The following SHISA9 variants were observed in gnomAD, a reference collection of about 807,000 sequenced individuals.
SHISA9 encodes protein shisa-9.
Under a neutral mutation model 38.0 loss-of-function variants are expected in SHISA9, and 13 were observed. The observed-to-expected ratio is 0.34, with a 90% CI of 0.22 to 0.54. The LOEUF (loss-of-function observed/expected upper bound fraction) is 0.54. Ranked by LOEUF, SHISA9 falls within the 20% of genes least tolerant of loss-of-function variation. The pLI is 0.91. For synonymous variants in SHISA9, 275 were observed against 242.0 expected (o/e 1.14, Z -1.27); for missense variants, 538 against 575.8 (o/e 0.93, Z 0.67).
At chr16:13,198,363 T>C (rs1021314999) in intron 2 of SHISA9, among the ~76,000 whole-genome samples, 2 of 151,692 alleles carry the variant, frequency 1.3e-5, no homozygotes, top group Non-Finnish European at 2.9e-5. Context: ...TATACTTGTA[T>C]GTGTATGTAC....
the SHISA9 span, among the ~76,000 whole-genome samples, chr16:13,256,339 TGG>T: frequency 2.6e-5 from 4 of 152,230 alleles, no homozygotes; most frequent in African/African-American, 9.6e-5. Flanking sequence ...TGGAGTGCAA[TGG>T]TGCCACCTCG....
the SHISA9 span, among the ~76,000 whole-genome samples, chr16:13,474,575 A>C: frequency 2.6e-5 from 4 of 152,186 alleles, no homozygotes; most frequent in Non-Finnish European, 4.4e-5. Context: ...GGTACTTTCT[A>C]TCCATGGAGT....
At chr16:13,136,506 C>A (rs984574901) in intron 2 of SHISA9, among the ~76,000 whole-genome samples, 4 of 139,138 alleles carry the variant, frequency 2.9e-5, no homozygotes, top group Non-Finnish European at 6.0e-5. Flanking sequence ...TCAAGTGATT[C>A]TCCTGCCTCA....
intron 3 of SHISA9, among the ~76,000 whole-genome samples, chr16:13,211,112 C>T (rs1306436980): frequency 2.0e-5 from 3 of 152,184 alleles, no homozygotes; most frequent in East Asian, 1.9e-4. Context: ...GCCTGGCCAA[C>T]GTGGTGAAAC....
intron 2 of SHISA9, among the ~76,000 whole-genome samples, chr16:12,953,896 C>T (rs1432348337): frequency 2.6e-5 from 4 of 152,148 alleles, no homozygotes; most frequent in African/African-American, 4.8e-5. Flanking sequence ...AAGTGCCACA[C>T]TTTAAAACCA....
the SHISA9 span, among the ~76,000 whole-genome samples, chr16:13,460,734 C>T: frequency 1.3e-5 from 2 of 152,180 alleles, no homozygotes; most frequent in Admixed American, 6.5e-5. Context: ...TAGTGAGATT[C>T]ATATTATGGG....
At chr16:13,492,969 G>A in the SHISA9 span, among the ~76,000 whole-genome samples, 1 of 152,188 alleles carries the variant, frequency 6.6e-6, no homozygotes, top group Non-Finnish European at 1.5e-5. Flanking sequence ...AGAGTGTGCA[G>A]AGATGAGATT....
the SHISA9 span, among the ~76,000 whole-genome samples, chr16:13,548,193 C>T: frequency 1.1e-4 from 17 of 152,066 alleles, no homozygotes; most frequent in African/African-American, 4.1e-4. Flanking sequence ...TTATCTCTCA[C>T]CATATAAAAA....
chr16:13,528,687 C>T, the SHISA9 span, among the ~76,000 whole-genome samples: 2 of 152,164 alleles, frequency 1.3e-5, no homozygotes, highest in African/African-American at 4.8e-5. Flanking sequence ...CAAGCCATGT[C>T]CCCTGTTCCA....
chr16:13,469,374 AAAGAAAGAAAGAAAGAAAGAAAG>A, the SHISA9 span, among the ~76,000 whole-genome samples: 1 of 77,980 alleles, frequency 1.3e-5, no homozygotes, highest in East Asian at 4.5e-4. Context: ...AAAAAGAAAG[AAAGAAAGAAAGAAAGAAAGAAAG>A]AAAGAAAGAA....
the SHISA9 span, among the ~76,000 whole-genome samples, chr16:13,523,584 G>C: frequency 6.6e-6 from 1 of 152,174 alleles, no homozygotes; most frequent in East Asian, 1.9e-4. Flanking sequence ...GGAGGAGCAG[G>C]CATGTCACAT....
intron 2 of SHISA9, among the ~76,000 whole-genome samples, chr16:12,944,162 A>G (rs1463727497): frequency 6.6e-6 from 1 of 152,194 alleles, no homozygotes; most frequent in Non-Finnish European, 1.5e-5. Flanking sequence ...GTATTAGAAT[A>G]TGACTTCCAA....
At chr16:13,006,445 A>G (rs1041003478) in intron 2 of SHISA9, among the ~76,000 whole-genome samples, 3 of 152,156 alleles carry the variant, frequency 2.0e-5, no homozygotes, top group African/African-American at 7.2e-5. Flanking sequence ...CCAACTTGTG[A>G]CTGAGGACAA....
At position 13,058,430 on chromosome 16, in the gene SHISA9, C is replaced by T. The variant is rs564046131; in HGVS notation, c.691+141615C>T. Among the ~76,000 whole-genome samples, 14 of 152,312 alleles carry T rather than the reference C, an allele frequency of 9.2e-5. No individual in the cohort carries two copies. In the East Asian group the frequency reaches 1.4e-3, roughly 15 times the overall value. On this transcript the variant is annotated intron_variant, in intron 2 of 4. Coordinates refer to ENST00000558583, the MANE Select transcript of SHISA9 (RefSeq NM_001145204.3). ...GACTCATGTTGACAAGTAACTGCTA[C>T]GGCCATCCCTGAGCCATGAGGCTCT...
At chr16:12,907,315 T>A (rs2071115400) in intron 1 of SHISA9, among the ~76,000 whole-genome samples, 1 of 147,596 alleles carries the variant, frequency 6.8e-6, no homozygotes, top group East Asian at 2.0e-4. Flanking sequence ...CTTCCTCCCT[T>A]CCCTTTTCTC....
the SHISA9 span, among the ~76,000 whole-genome samples, chr16:13,253,143 C>T: frequency 6.6e-6 from 1 of 152,186 alleles, no homozygotes; most frequent in Non-Finnish European, 1.5e-5. Context: ...GTATGTAATA[C>T]ATATAACATG....
chr16:13,062,057 T>C (rs546316896), intron 2 of SHISA9, among the ~76,000 whole-genome samples: 2 of 152,192 alleles, frequency 1.3e-5, no homozygotes, highest in Non-Finnish European at 2.9e-5. Context: ...CGATTATTTT[T>C]ATTAATCCAA....
the SHISA9 span, among the ~76,000 whole-genome samples, chr16:13,501,299 A>C: frequency 6.6e-6 from 1 of 152,198 alleles, no homozygotes; most frequent in South Asian, 2.1e-4. Flanking sequence ...CTTAGTCCTG[A>C]GGTTGAAAAA....
intron 2 of SHISA9, among the ~76,000 whole-genome samples, chr16:13,092,470 G>T (rs540688797): frequency 6.6e-6 from 1 of 152,182 alleles, no homozygotes; most frequent in Non-Finnish European, 1.5e-5. Context: ...GCTGTGGTGG[G>T]CTCCGTCCAG....
Sources: allele counts gnomAD v4.1 joint callset (sites outside exome capture counted in the v4.1 genomes callset), GRCh38; gene constraint gnomAD v4.1.1; transcripts MANE v1.5; gene names NCBI Gene and HGNC (gene_info 2026-07-23, HGNC 2026-07-21).